The following BANF1 variants were observed in gnomAD, a reference collection of about 807,000 sequenced individuals.
The protein encoded by BANF1 is barrier-to-autointegration factor.
For synonymous variants in BANF1, 49 were observed against 43.7 expected, an observed-to-expected ratio of 1.12 and a Z score of -0.48; for missense variants, 47 against 110.4, an observed-to-expected ratio of 0.43 and a Z score of 2.57.
rs1856074799 is a variant in BANF1, at chr11:66,003,877, TCA to T, written c.*107_*108del. ...AAGGAAAAGATTGCTATTGTCGTAC[TCA>T]CCTCCGACGTACTCCGGGGTCTTTT... On this transcript the variant is annotated 3_prime_UTR_variant, in exon 3 of 3. Transcript: ENST00000312175. The T allele has an allele frequency of 6.5e-7, 1 of 1,530,114 alleles. No homozygotes were observed. The highest frequency in any genetic ancestry group is 1.4e-5 in the African/African-American group (1 of 72,960). The allele number at this position is 1,530,114 out of a possible 1,614,324, so 94.8% of individuals were successfully genotyped here.
chr11:66,003,102 C>T (rs1026950399), intron 1 of BANF1, 133 bp from the exon 2 acceptor site: 4 of 917,642 alleles, frequency 4.4e-6, no homozygotes, highest in African/African-American at 1.6e-5. Context: ...ACTGTTTTCT[C>T]CTTTCAGGAT....
chr11:66,002,886 G>A (rs1371055744), intron 1 of BANF1: 1 of 340,710 alleles, frequency 2.9e-6, no homozygotes, highest in Non-Finnish European at 5.7e-6. Context: ...GGCCGTTCCA[G>A]GCAGGCAGTG....
chr11:66,003,628 C>A lies in BANF1; in HGVS notation c.126C>A (p.Ala42=). The change falls in exon 3 of 3, where the codon GCC becomes GCA. Residue 42 remains alanine, a splice_region_variant and synonymous_variant. Coordinates refer to ENST00000312175, the MANE Select transcript of BANF1 (RefSeq NM_003860.4). The stretch of plus-strand genomic sequence containing the variant: ...CCTTCCTTTTCCCTGTTTTGCAGGC[C>A]TATGTTGTCCTTGGCCAGTTTCTGG... ...KKLEERGFDK[A]YVVLGQFLVL... 1 of 1,614,098 alleles carries A rather than the reference C, an allele frequency of 6.2e-7. No individual in the cohort carries two copies. The highest frequency in any genetic ancestry group is 1.3e-5 in the African/African-American group (1 of 75,022).
At chr11:66,003,119 G>A in intron 1 of BANF1, 116 bp from the exon 2 acceptor site, 1 of 1,072,254 alleles carries the variant, frequency 9.3e-7, no homozygotes, top group East Asian at 2.5e-5. Context: ...GGATGAGGGG[G>A]ATCGAGCAAG....
Position 66,003,456 on chromosome 11 carries a change from A to G in BANF1, c.123+83A>G, listed in dbSNP as rs1048659418. On this transcript the variant is annotated intron_variant, in intron 2 of 2. Coordinates refer to ENST00000312175, the MANE Select transcript of BANF1 (RefSeq NM_003860.4). ...TCTGCTGGGGGATGGACAGTAAGGT[A>G]TAATCTGAAGAGGCTGCCAGAGCCT... 5 of 1,611,158 alleles carry G rather than the reference A, an allele frequency of 3.1e-6. No individual in the cohort carries two copies. In the African/African-American group the frequency reaches 5.4e-5, roughly 17 times the overall value.
At chr11:66,003,138 AC>A in intron 1 of BANF1, 96 bp from the exon 2 acceptor site, 1 of 1,329,978 alleles carries the variant, frequency 7.5e-7, no homozygotes, top group South Asian at 1.2e-5. Flanking sequence ...AGCCACTGTA[AC>A]CCCTGGCTTG....
chr11:66,003,802 C>G lies in BANF1; in HGVS notation c.*30C>G. 1 of 1,613,650 alleles carries G rather than the reference C, an allele frequency of 6.2e-7. No individual in the cohort carries two copies. The highest frequency in any genetic ancestry group is 8.5e-7 in the Non-Finnish European group (1 of 1,179,988). ...CTCTGGGAAGCTCTCAATCCCCAGC[C>G]CTCATCCAGAGTTTGCAGCCGAGTA... On this transcript the variant is annotated 3_prime_UTR_variant, in exon 3 of 3. Transcript: ENST00000312175.
At chr11:66,002,675 C>G (rs1856023654) in intron 1 of BANF1, 105 bp downstream of exon 1, 1 of 141,788 alleles carries the variant, frequency 7.1e-6, no homozygotes. Context: ...TGGGGGAGAG[C>G]TTGGCCGCGC....
chr11:66,003,577 TCTCACTGAG>T (rs1565063893), intron 2 of BANF1, 40 bp from the exon 3 acceptor site: 2 of 1,584,172 alleles, frequency 1.3e-6, no homozygotes, highest in Admixed American at 1.8e-5. Context: ...TGCTCTTATC[TCTCACTGAG>T]CACTGAGCAG....
chr11:66,003,212 TG>T, intron 1 of BANF1, 22 bp from the exon 2 acceptor site: 1 of 1,611,776 alleles, frequency 6.2e-7, no homozygotes, highest in Non-Finnish European at 8.5e-7. Flanking sequence ...AGCCCTAATC[TG>T]CCTTTTTTTT....
intron 1 of BANF1, 144 bp downstream of exon 1, chr11:66,002,714 G>T (rs1009511004): frequency 1.3e-5 from 2 of 151,390 alleles, no homozygotes; most frequent in African/African-American, 4.8e-5. Flanking sequence ...TGCAGCGCGT[G>T]GGAGCCGGGC....
At position 66,003,608 on chromosome 11, in the gene BANF1, C is replaced by G; in HGVS notation, c.124-18C>G. On this transcript the variant is annotated intron_variant, in intron 2 of 2. Transcript: ENST00000312175. Reference sequence around the variant, plus strand: ...TGAGCACTGAGCAGCACGCTCCTTCCTTTTCCCTGTTTTGCAGGCCTATGT... The same window carrying G: ...TGAGCACTGAGCAGCACGCTCCTTCGTTTTCCCTGTTTTGCAGGCCTATGT... 6.2e-7 allele frequency: 1 copy of G among 1,614,140 alleles called. No homozygotes were observed.
intron 2 of BANF1, 89 bp downstream of exon 2, chr11:66,003,462 T>C: frequency 2.5e-6 from 4 of 1,610,044 alleles, no homozygotes; most frequent in Non-Finnish European, 3.4e-6. Flanking sequence ...AGGTATAATC[T>C]GAAGAGGCTG....
rs2134971420 is a variant in BANF1 at position 66,003,355 on chromosome 11, G to A, written c.105G>A (p.Glu35=). 6.2e-7 allele frequency: 1 copy of A among 1,613,852 alleles called. No homozygotes were observed. Among genetic ancestry groups the A allele is most frequent in the East Asian group, 2.2e-5 (1 of 44,868 alleles). The change falls in exon 2 of 3, where the codon GAG becomes GAA. Residue 35 remains glutamate (E), a synonymous_variant. Coordinates refer to ENST00000312175, the MANE Select transcript of BANF1 (RefSeq NM_003860.4). ...GTGAAGTCCTGGGCAAGAAGCTGGA[G>A]GAAAGGGGTTTTGACAAGGTGTGGG... ...GIGEVLGKKL[E]ERGFDKAYVV... is the part of the protein sequence containing the mutation.
Position 66,003,482 on chromosome 11 carries a change from G to A in BANF1, c.123+109G>A, listed in dbSNP as rs72930967. 51,569 of 1,606,818 alleles carry A rather than the reference G, an allele frequency of 0.032. 1,529 individuals are homozygous for A. The highest frequency in any genetic ancestry group is 0.15 in the East Asian group (6,832 of 44,766). On this transcript the variant is annotated intron_variant, in intron 2 of 2. Transcript: ENST00000312175. ...TAATCTGAAGAGGCTGCCAGAGCCT[G>A]GGCACCTGGTGGAGAGGAGAGGGGG...
rs535719072 is a variant in BANF1, at chr11:66,003,215, C to CT, written c.-16-12dup. The CT allele has an allele frequency of 7.7e-5, 124 of 1,603,514 alleles. 1 individual carries two copies. The highest frequency in any genetic ancestry group is 4.7e-4 in the South Asian group (43 of 90,562). Reference sequence around the variant, plus strand: ...TTCCAGGTCTTCAGCCCTAATCTGCCTTTTTTTTGGGATTCCTAGATTAAG... The same window carrying CT: ...TTCCAGGTCTTCAGCCCTAATCTGCCTTTTTTTTTGGGATTCCTAGATTAAG... On this transcript the variant is annotated intron_variant, in intron 1 of 2. Coordinates refer to ENST00000312175, the MANE Select transcript of BANF1 (RefSeq NM_003860.4).
rs763412419 is a variant in BANF1, at chr11:66,003,393, A to G, written c.123+20A>G. 13 of 1,613,292 alleles carry G rather than the reference A, an allele frequency of 8.1e-6. No homozygotes were observed. In the African/African-American group the frequency reaches 1.6e-4, roughly 20 times the overall value. On this transcript the variant is annotated intron_variant, in intron 2 of 2. Transcript: ENST00000312175. ...GACAAGGTGTGGGGTGGCTGCGTGT[A>G]CCTAGTGCAAGCGGGGGGTGGAAGG... is the stretch of plus-strand genomic sequence containing the variant.
At chr11:66,003,174 C>G in intron 1 of BANF1, 61 bp from the exon 2 acceptor site, 1 of 1,578,098 alleles carries the variant, frequency 6.3e-7, no homozygotes, top group Non-Finnish European at 8.7e-7. Flanking sequence ...TGAGATTGCT[C>G]GTGGGCCCTT....
chr11:66,003,081 G>A (rs970017283), intron 1 of BANF1, 154 bp from the exon 2 acceptor site: 40 of 770,822 alleles, frequency 5.2e-5, no homozygotes, highest in Non-Finnish European at 7.8e-5. Flanking sequence ...GTAGGGAAGA[G>A]TCTCCCTGGA....
Sources: gnomAD v4.1 joint callset for allele counts on GRCh38, gnomAD v4.1.1 for gene constraint, MANE v1.5 for transcripts, NCBI Gene and HGNC (gene_info 2026-07-23, HGNC 2026-07-21) for gene names.